The following MCTP1 variants were observed in gnomAD, a reference collection of about 807,000 sequenced individuals.
MCTP1 encodes multiple C2 and transmembrane domain-containing protein 1.
A neutral mutation model predicts 120.6 loss-of-function variants in MCTP1; 69 were observed. The ratio of observed to expected loss-of-function variants is 0.57; its 90% CI spans 0.47 to 0.70. MCTP1 has a LOEUF of 0.70. MCTP1 is among the 30% of genes least tolerant of loss of function. MCTP1 has a pLI of 0.00. For synonymous variants in MCTP1, 529 were observed against 493.1 expected (o/e 1.07, Z -0.96); for missense variants, 1,203 against 1,248.8 (o/e 0.96, Z 0.55).
At chr5:95,121,936 CAAAAAA>C (rs70978167) in intron 1 of MCTP1, among the ~76,000 whole-genome samples, 1 of 112,746 alleles carries the variant, frequency 8.9e-6, no homozygotes, top group South Asian at 2.9e-4. Flanking sequence ...TATCCATATG[CAAAAAA>C]AAAAAAAAAA....
At chr5:95,177,287 G>A (rs952809279) in intron 1 of MCTP1, among the ~76,000 whole-genome samples, 47 of 152,126 alleles carry the variant, frequency 3.1e-4, no homozygotes, top group Non-Finnish European at 3.5e-4. Context: ...CCTAGGCAGA[G>A]CTGTAGGGAA....
chr5:94,829,476 C>T (rs770562808), intron 17 of MCTP1, among the ~76,000 whole-genome samples: 1 of 152,188 alleles, frequency 6.6e-6, no homozygotes, highest in African/African-American at 2.4e-5. Context: ...TACTTTTGCA[C>T]CAACCTAATA....
At chr5:95,128,838 T>C (rs1371992326) in intron 1 of MCTP1, among the ~76,000 whole-genome samples, 1 of 152,222 alleles carries the variant, frequency 6.6e-6, no homozygotes, top group Admixed American at 6.5e-5. Context: ...AGTATGTGAA[T>C]TATATCTCAA....
intron 17 of MCTP1, among the ~76,000 whole-genome samples, chr5:94,853,967 G>A (rs555388068): frequency 2.0e-5 from 3 of 151,800 alleles, no homozygotes; most frequent in Non-Finnish European, 2.9e-5. Context: ...ACAGGCAGAT[G>A]GTGGCAGGGA....
intron 18 of MCTP1, among the ~76,000 whole-genome samples, chr5:94,781,793 G>T (rs1373130063): frequency 6.6e-6 from 1 of 152,084 alleles, no homozygotes; most frequent in Non-Finnish European, 1.5e-5. Context: ...TGGGTAATTG[G>T]CTACGCACAA....
chr5:94,825,305 T>G (rs1786727797), intron 17 of MCTP1, among the ~76,000 whole-genome samples: 1 of 152,234 alleles, frequency 6.6e-6, no homozygotes, highest in East Asian at 1.9e-4. Context: ...TACTCAGTAG[T>G]CACTCAGGAG....
At chr5:95,091,220 G>T (rs1362199289) in intron 1 of MCTP1, among the ~76,000 whole-genome samples, 1 of 152,068 alleles carries the variant, frequency 6.6e-6, no homozygotes, top group Non-Finnish European at 1.5e-5. Flanking sequence ...AGAGCCAATT[G>T]TTCTCCGAGG....
intron 1 of MCTP1, among the ~76,000 whole-genome samples, chr5:95,205,963 G>A (rs1751572091): frequency 6.6e-6 from 1 of 152,146 alleles, no homozygotes; most frequent in Non-Finnish European, 1.5e-5. Flanking sequence ...ATCCACTTTG[G>A]AAAATAGTCT....
At chr5:94,870,558 G>A in intron 15 of MCTP1, 67 bp from the exon 16 acceptor site, 1 of 1,160,144 alleles carries the variant, frequency 8.6e-7, no homozygotes. Context: ...TTTTCACGCA[G>A]TTCAATTTGC....
At chr5:94,804,107 A>G (rs1781765487) in intron 17 of MCTP1, among the ~76,000 whole-genome samples, 1 of 152,210 alleles carries the variant, frequency 6.6e-6, no homozygotes, top group South Asian at 2.1e-4. Context: ...CACTAAATAA[A>G]TGATAGTTGC....
intron 8 of MCTP1, among the ~76,000 whole-genome samples, chr5:94,916,725 C>G (rs753353894): frequency 3.9e-5 from 6 of 152,178 alleles, no homozygotes; most frequent in African/African-American, 9.7e-5. Context: ...GGTCCACAGA[C>G]CAGTGGCATT....
chr5:94,763,614 G>T (rs1012831733), intron 19 of MCTP1, among the ~76,000 whole-genome samples: 2 of 152,098 alleles, frequency 1.3e-5, no homozygotes, highest in Non-Finnish European at 2.9e-5. Context: ...CCTAACCAAG[G>T]ATCCCATCAC....
chr5:94,871,506 G>T, intron 13 of MCTP1, 89 bp from the exon 14 acceptor site: 1 of 857,520 alleles, frequency 1.2e-6, no homozygotes, highest in South Asian at 1.5e-5. Flanking sequence ...AGCTCCAGCT[G>T]ATTTTGTGTG....
chr5:94,888,395 T>A (rs1801797177), intron 12 of MCTP1, among the ~76,000 whole-genome samples: 1 of 152,214 alleles, frequency 6.6e-6, no homozygotes, highest in African/African-American at 2.4e-5. Flanking sequence ...ATCTCTGGGA[T>A]GTGCCAGGGA....
At chr5:94,879,592 T>C (rs1387164690) in intron 12 of MCTP1, among the ~76,000 whole-genome samples, 2 of 152,108 alleles carry the variant, frequency 1.3e-5, no homozygotes, top group Non-Finnish European at 2.9e-5. Flanking sequence ...AATGTACCCA[T>C]GTTAGAAATG....
At chr5:95,028,795 T>C (rs1307615766) in intron 1 of MCTP1, among the ~76,000 whole-genome samples, 6 of 152,206 alleles carry the variant, frequency 3.9e-5, no homozygotes, top group African/African-American at 1.4e-4. Context: ...AAAAATACTA[T>C]CCTGTCTGAT....
At chr5:95,148,078 A>G (rs331566) in intron 1 of MCTP1, among the ~76,000 whole-genome samples, 44,412 of 152,032 alleles carry the variant, frequency 0.29, 6,923 homozygotes, top group East Asian at 0.6. Context: ...CTGCTAGCCT[A>G]TTGGGGTTCC....
chr5:95,208,005 G>A (rs1195614031), intron 1 of MCTP1, among the ~76,000 whole-genome samples: 1 of 150,680 alleles, frequency 6.6e-6, no homozygotes, highest in East Asian at 2.0e-4. Flanking sequence ...GAGGGAGAGA[G>A]AGGGAGAGAG....
intron 3 of MCTP1, among the ~76,000 whole-genome samples, 176 bp from the exon 4 acceptor site, chr5:94,942,603 G>T (rs150658999): frequency 1.1e-3 from 160 of 152,056 alleles, no homozygotes; most frequent in African/African-American, 3.7e-3. Flanking sequence ...AACACTTAAA[G>T]AAAACTACAT....
Sources: gnomAD v4.1 joint callset for allele counts (sites outside exome capture counted in the v4.1 genomes callset) on GRCh38, gnomAD v4.1.1 for gene constraint, MANE v1.5 for transcripts, NCBI Gene and HGNC (gene_info 2026-07-23, HGNC 2026-07-21) for gene names.